Variants in LMLN observed in about 807,000 individuals in gnomAD.
LMLN encodes leishmanolysin like peptidase.
In LMLN, 70 loss-of-function variants were observed where a neutral mutation model predicts 92.3. That is an observed-to-expected ratio of 0.76 (90% CI 0.63 to 0.92). The LOEUF (loss-of-function observed/expected upper bound fraction) is 0.92. Among genes scored for constraint, LMLN ranks in the 40% least tolerant of loss-of-function variants. LMLN has a pLI of 0.00. For synonymous variants in LMLN, 308 were observed against 296.2 expected (o/e 1.04, Z -0.41); for missense variants, 691 against 814.6 (o/e 0.85, Z 1.85).
At chr3:198,002,400 G>A (rs1311824166) in intron 11 of LMLN, among the ~76,000 whole-genome samples, 2 of 152,190 alleles carry the variant, frequency 1.3e-5, no homozygotes. Context: ...AGAGTGCTGG[G>A]GTTACAAATG....
intron 6 of LMLN, among the ~76,000 whole-genome samples, chr3:197,981,028 G>C (rs907115924): frequency 6.6e-6 from 1 of 152,100 alleles, no homozygotes; most frequent in African/African-American, 2.4e-5. Context: ...GCTTGAGCCT[G>C]AGAGGTTGAG....
chr3:197,990,702 CATG>C (rs1432926393), intron 9 of LMLN, 26 bp downstream of exon 9: 4 of 1,081,336 alleles, frequency 3.7e-6, no homozygotes, highest in Non-Finnish European at 4.3e-6. Context: ...CTTCATGTCT[CATG>C]AGCCATCTGT....
At chr3:197,967,382 T>C (rs756755551) in intron 1 of LMLN, among the ~76,000 whole-genome samples, 22 of 152,300 alleles carry the variant, frequency 1.4e-4, no homozygotes, top group Non-Finnish European at 2.5e-4. Context: ...AGTAGGACCG[T>C]GATGCCCGCC....
intron 1 of LMLN, among the ~76,000 whole-genome samples, chr3:197,969,081 C>T (rs1553815324): frequency 6.6e-6 from 1 of 151,218 alleles, no homozygotes; most frequent in East Asian, 1.9e-4. Context: ...TTTGTATTCT[C>T]TCTGTCTTTT....
intron 6 of LMLN, among the ~76,000 whole-genome samples, chr3:197,982,832 C>A (rs112088570): frequency 0.027 from 4,187 of 152,308 alleles, 66 homozygotes; most frequent in African/African-American, 0.037. Context: ...GAAAGTGAAA[C>A]GTTAGCTGCA....
At chr3:197,997,426 C>T (rs1324055957) in intron 10 of LMLN, among the ~76,000 whole-genome samples, 4 of 152,216 alleles carry the variant, frequency 2.6e-5, no homozygotes, top group Non-Finnish European at 5.9e-5. Context: ...CATTCCGCAC[C>T]TGGCTACTCT....
intron 11 of LMLN, among the ~76,000 whole-genome samples, chr3:198,012,066 T>A (rs1722459386): frequency 6.6e-6 from 1 of 152,220 alleles, no homozygotes; most frequent in South Asian, 2.1e-4. Flanking sequence ...GTGTTTTTTT[T>A]ATTTTTTAAA....
intron 1 of LMLN, among the ~76,000 whole-genome samples, chr3:197,964,448 TG>T (rs1181054997): frequency 1.3e-5 from 2 of 151,068 alleles, no homozygotes; most frequent in Non-Finnish European, 3.0e-5. Flanking sequence ...TTGCCCAGGC[TG>T]GAGTGCAGTG....
intron 1 of LMLN, among the ~76,000 whole-genome samples, chr3:197,973,123 C>G (rs542987673): frequency 6.6e-6 from 1 of 152,240 alleles, no homozygotes; most frequent in East Asian, 1.9e-4. Flanking sequence ...TCTCCCTCCC[C>G]AAAATACTGT....
chr3:197,977,231 A>T (rs9852605), intron 5 of LMLN, among the ~76,000 whole-genome samples: 31,371 of 152,192 alleles, frequency 0.21, 5,205 homozygotes, highest in African/African-American at 0.46. Context: ...AGTGAAGGAG[A>T]TCTCTATGTA....
At chr3:198,013,407 A>T (rs1434781616) in intron 11 of LMLN, among the ~76,000 whole-genome samples, 1 of 111,864 alleles carries the variant, frequency 8.9e-6, no homozygotes, top group East Asian at 2.6e-4. Flanking sequence ...GAGCCCCCTA[A>T]CTAGTCTGAC....
rs183048085 is a variant in LMLN, at chr3:197,990,137, A to C, written c.930-422A>C. The stretch of plus-strand genomic sequence containing the variant: ...GAGTGCAGTGGCACGAACATGGCTT[A>C]CTGCAGCGTCAACCTCCTGGGCTCA... On this transcript the variant is annotated intron_variant, in intron 8 of 15. Coordinates refer to ENST00000330198, the Ensembl canonical transcript of LMLN. 3.4e-4 allele frequency among the ~76,000 whole-genome samples: 51 copies of C among 152,222 alleles called. No individual in the cohort carries two copies. In the East Asian group the frequency reaches 9.7e-3, roughly 29 times the overall value.
intron 3 of LMLN, among the ~76,000 whole-genome samples, chr3:197,975,274 T>C (rs1721338238): frequency 6.6e-6 from 1 of 152,224 alleles, no homozygotes; most frequent in East Asian, 1.9e-4. Flanking sequence ...AAATTAGTCT[T>C]TTTTTGTAAT....
At chr3:197,976,475 T>C in intron 4 of LMLN, 123 bp from the exon 5 acceptor site, 1 of 576,404 alleles carries the variant, frequency 1.7e-6, no homozygotes, top group South Asian at 3.0e-5. Flanking sequence ...GCTACTTTCC[T>C]GACTAAAATA....
At chr3:197,985,963 A>G in intron 8 of LMLN, 73 bp downstream of exon 8, 1 of 867,576 alleles carries the variant, frequency 1.2e-6, no homozygotes, top group Non-Finnish European at 1.9e-6. Flanking sequence ...GAATCACAGT[A>G]TATTAGATGC....
chr3:198,021,681 G>T, intron 13 of LMLN, 76 bp downstream of exon 14: 2 of 1,300,954 alleles, frequency 1.5e-6, no homozygotes. Context: ...GTGGTTAAGG[G>T]CACAGACCCT....
chr3:198,013,925 A>G lies in LMLN; in HGVS notation c.1233-5328A>G, dbSNP rs1404181508. ...TCTCTGTACCCTTCAGAGCCCCCTA[A>G]CTAGTCTGACTTCTCTCCACCCCTC... On this transcript the variant is annotated intron_variant, in intron 11 of 15. Transcript: ENST00000330198. 5.2e-5 allele frequency among the ~76,000 whole-genome samples: 7 copies of G among 134,678 alleles called. No homozygotes were observed. The East Asian group carries it at 1.5e-3, about 29-fold the overall frequency. The allele number at this position is 134,678 out of a possible 152,430, so 88.4% of individuals were successfully genotyped here.
intron 6 of LMLN, among the ~76,000 whole-genome samples, chr3:197,981,456 C>G (rs1174487264): frequency 6.6e-6 from 1 of 152,230 alleles, no homozygotes; most frequent in Non-Finnish European, 1.5e-5. Flanking sequence ...ACAATTTGAA[C>G]TTTAATTTTA....
intron 9 of LMLN, among the ~76,000 whole-genome samples, chr3:197,994,187 A>T (rs1721956753): frequency 6.6e-6 from 1 of 152,208 alleles, no homozygotes; most frequent in South Asian, 2.1e-4. Context: ...TAAGGGGACA[A>T]CTACATGACA....
Sources: allele counts gnomAD v4.1 joint callset (sites outside exome capture counted in the v4.1 genomes callset), GRCh38; gene constraint gnomAD v4.1.1; transcripts MANE v1.5; gene names NCBI Gene and HGNC (gene_info 2026-07-23, HGNC 2026-07-21).